RPSA2: variants seen among roughly 807,000 people sequenced by gnomAD.
RPSA2 encodes small ribosomal subunit protein uS2B.
chr19:23,832,953 C>A, the RPSA2 span: 15 of 1,483,466 alleles, frequency 1.0e-5, no homozygotes, highest in East Asian at 3.9e-4. Flanking sequence ...AGGTAATTCA[C>A]AGTGGAGTAA....
the RPSA2 span, among the ~76,000 whole-genome samples, chr19:23,806,367 A>G: frequency 1.3e-3 from 194 of 152,150 alleles, 2 homozygotes; most frequent in African/African-American, 4.4e-3. Flanking sequence ...TTCTATGGGG[A>G]AAACCTGGGA....
chr19:23,798,612 A>C, the RPSA2 span, among the ~76,000 whole-genome samples: 1 of 152,186 alleles, frequency 6.6e-6, no homozygotes, highest in Non-Finnish European at 1.5e-5. Context: ...TTTTTTAAAA[A>C]ATCCTACATA....
At chr19:23,859,117 C>G in the RPSA2 span, among the ~76,000 whole-genome samples, 11 of 152,192 alleles carry the variant, frequency 7.2e-5, no homozygotes, top group African/African-American at 2.4e-4. Context: ...TTACCCCAGA[C>G]AAGTGACCCT....
chr19:23,810,077 C>T, the RPSA2 span, among the ~76,000 whole-genome samples: 1 of 152,020 alleles, frequency 6.6e-6, no homozygotes, highest in Non-Finnish European at 1.5e-5. Context: ...CACAAGGGTT[C>T]ACCTTTAGTT....
the RPSA2 span, among the ~76,000 whole-genome samples, chr19:23,857,384 C>T: frequency 6.6e-6 from 1 of 152,012 alleles, no homozygotes; most frequent in Non-Finnish European, 1.5e-5. Flanking sequence ...AATTTATGTT[C>T]CTCTACCGTG....
chr19:23,852,593 C>T, the RPSA2 span, among the ~76,000 whole-genome samples: 110 of 146,020 alleles, frequency 7.5e-4, 1 homozygote, highest in African/African-American at 2.4e-3. Flanking sequence ...TTTTTGTTTG[C>T]GGCTTAAGAA....
chr19:23,862,570 G>A, the RPSA2 span, among the ~76,000 whole-genome samples: 1 of 152,150 alleles, frequency 6.6e-6, no homozygotes, highest in East Asian at 1.9e-4. Flanking sequence ...CTAATTTATT[G>A]AGTGTTTTTA....
chr19:23,846,913 G>A, the RPSA2 span, among the ~76,000 whole-genome samples: 1 of 152,188 alleles, frequency 6.6e-6, no homozygotes, highest in Admixed American at 6.5e-5. Flanking sequence ...TCTATTGCTA[G>A]AGTTGGGAAG....
chr19:23,827,779 T>C, the RPSA2 span: 8 of 1,587,148 alleles, frequency 5.0e-6, no homozygotes, highest in Non-Finnish European at 6.0e-6. Flanking sequence ...TCTACAGAGA[T>C]CCTGAAGAGA....
the RPSA2 span, among the ~76,000 whole-genome samples, chr19:23,821,359 C>G: frequency 6.6e-6 from 1 of 152,222 alleles, no homozygotes; most frequent in Non-Finnish European, 1.5e-5. Flanking sequence ...ACTCCTATAG[C>G]CATTCCCTTT....
the RPSA2 span, among the ~76,000 whole-genome samples, chr19:23,771,169 G>C: frequency 1.3e-5 from 2 of 152,196 alleles, no homozygotes; most frequent in African/African-American, 2.4e-5. Flanking sequence ...TGCATAGCCT[G>C]CCAACAGTAA....
At chr19:23,808,052 TG>T in the RPSA2 span, 3 of 193,130 alleles carry the variant, frequency 1.6e-5, no homozygotes, top group Non-Finnish European at 3.3e-5. Context: ...AAGAAAATCC[TG>T]GGGATTTGTC....
the RPSA2 span, among the ~76,000 whole-genome samples, chr19:23,785,748 T>G: frequency 6.6e-6 from 1 of 152,134 alleles, no homozygotes; most frequent in Non-Finnish European, 1.5e-5. Context: ...TTGTAAAATA[T>G]ATTTTGGTCT....
At chr19:23,815,706 T>G in the RPSA2 span, among the ~76,000 whole-genome samples, 2 of 152,224 alleles carry the variant, frequency 1.3e-5, no homozygotes, top group Non-Finnish European at 2.9e-5. Context: ...TCTTGTTGAT[T>G]TTTTAATCTG....
At chr19:23,811,067 C>T in the RPSA2 span, among the ~76,000 whole-genome samples, 2 of 145,720 alleles carry the variant, frequency 1.4e-5, no homozygotes, top group Non-Finnish European at 3.0e-5. Context: ...AGTGCAGTGG[C>T]GAATGCAGTG....
chr19:23,758,869 G>A, the RPSA2 span: 1 of 1,415,084 alleles, frequency 7.1e-7, no homozygotes, highest in South Asian at 1.3e-5. Context: ...ACGAGACCCG[G>A]AGCTCGGGCT....
the RPSA2 span, among the ~76,000 whole-genome samples, chr19:23,783,182 A>G: frequency 6.6e-6 from 1 of 151,738 alleles, no homozygotes; most frequent in Non-Finnish European, 1.5e-5. Flanking sequence ...CACAACCTCC[A>G]CCTCTCAGGT....
the RPSA2 span, among the ~76,000 whole-genome samples, chr19:23,825,508 A>AT: frequency 1.3e-5 from 2 of 151,634 alleles, no homozygotes; most frequent in East Asian, 1.9e-4. Flanking sequence ...TTATCCTTGT[A>AT]TTTTTTTTCT....
the RPSA2 span, among the ~76,000 whole-genome samples, chr19:23,798,411 T>A: frequency 6.6e-6 from 1 of 152,152 alleles, no homozygotes; most frequent in Non-Finnish European, 1.5e-5. Flanking sequence ...ATTTATTACT[T>A]CAGTACAATT....
Sources: allele counts gnomAD v4.1 joint callset (sites outside exome capture counted in the v4.1 genomes callset), GRCh38; gene constraint gnomAD v4.1.1; transcripts MANE v1.5; gene names NCBI Gene and HGNC (gene_info 2026-07-23, HGNC 2026-07-21).